Variants in AKAP9 observed in about 807,000 individuals in gnomAD.
The protein encoded by AKAP9 is A-kinase anchor protein 9.
A neutral mutation model predicts 488.5 loss-of-function variants in AKAP9; 311 were observed. The observed-to-expected ratio is 0.64, with a 90% CI of 0.58 to 0.70. AKAP9 has a LOEUF of 0.70. Among genes scored for constraint, AKAP9 ranks in the 30% least tolerant of loss-of-function variants. AKAP9 has a pLI of 0.00. For synonymous variants in AKAP9, 1,462 were observed against 1,483.5 expected (o/e 0.99, Z 0.33); for missense variants, 4,215 against 4,374.5 (o/e 0.96, Z 1.03).
chr7:92,038,548 G>T lies in AKAP9; in HGVS notation c.4468G>T (p.Glu1490Ter). 3 of 1,613,864 alleles carry T rather than the reference G, an allele frequency of 1.9e-6. No individual in the cohort carries two copies. The highest frequency in any genetic ancestry group is 2.5e-6 in the Non-Finnish European group (3 of 1,179,852). Reference protein sequence around the residue: ...VCQQEQHYFNEMKLSQDQIGF... With the variant: ...VCQQEQHYFN Reference sequence around the variant, plus strand: ...TCAGCAAGAACAACATTATTTTAATGAAATGAAATTATCACAGGATCAAAT... The same window carrying T: ...TCAGCAAGAACAACATTATTTTAATTAAATGAAATTATCACAGGATCAAAT... The change falls in exon 17 of 50, where the codon GAA becomes TAA. Residue 1490 changes from glutamate (E) to a stop codon, truncating the protein, a stop_gained. Transcript: ENST00000356239. LOFTEE classifies it high-confidence loss of function.
At position 92,002,054 on chromosome 7, in the gene AKAP9, A is replaced by G; in HGVS notation, c.2137A>G (p.Lys713Glu). 1 of 1,602,200 alleles carries G rather than the reference A, an allele frequency of 6.2e-7. No individual in the cohort carries two copies. The highest frequency in any genetic ancestry group is 8.5e-7 in the Non-Finnish European group (1 of 1,176,622). The change falls in exon 8 of 50, where the codon AAG becomes GAG. Residue 713 changes from lysine to glutamate, a missense_variant. By Grantham distance (56) the Lys-to-Glu change is moderately conservative. This residue lies in a region of AKAP9 where 2,361 missense variants were observed against 2,430.0 expected (regional missense o/e 0.97). Coordinates refer to ENST00000356239, the MANE Select transcript of AKAP9 (RefSeq NM_005751.5). ...TTTACAGCAGTCTCTTGTAAATTCA[A>G]AGTCAGAAGAAATGACTCTTCAAAT... is the stretch of plus-strand genomic sequence containing the variant. The part of the protein sequence containing the change: ...KDLQQSLVNS[K>E]SEEMTLQINE...
chr7:91,973,523 G>T (rs373837796), intron 1 of AKAP9, among the ~76,000 whole-genome samples, 188 bp from the exon 2 acceptor site: 5 of 151,942 alleles, frequency 3.3e-5, no homozygotes, highest in Non-Finnish European at 5.9e-5. Flanking sequence ...ATTTCAGTAG[G>T]TTTATTCAGA....
At chr7:92,056,780 A>G (rs918753191) in intron 22 of AKAP9, among the ~76,000 whole-genome samples, 1 of 151,902 alleles carries the variant, frequency 6.6e-6, no homozygotes, top group African/African-American at 2.4e-5. Context: ...TAGTGTGAGT[A>G]GCTGTAGAAT....
At chr7:92,096,501 A>AT (rs1202108742) in intron 40 of AKAP9, among the ~76,000 whole-genome samples, 188 bp from the exon 41 acceptor site, 1 of 151,722 alleles carries the variant, frequency 6.6e-6, no homozygotes, top group Non-Finnish European at 1.5e-5. Flanking sequence ...CACCCAGCTA[A>AT]TTTTTTTGTA....
intron 14 of AKAP9, among the ~76,000 whole-genome samples, chr7:92,028,295 TAAAAAAAAAAAAA>T (rs57352733): frequency 4.6e-5 from 3 of 65,060 alleles, no homozygotes; most frequent in African/African-American, 1.9e-4. Flanking sequence ...CAATAAATAC[TAAAAAAAAAAAAA>T]AAAAAAAAAA....
chr7:91,965,509 C>A (rs916806762), intron 1 of AKAP9, among the ~76,000 whole-genome samples: 10 of 152,292 alleles, frequency 6.6e-5, no homozygotes, highest in Non-Finnish European at 5.9e-5. Flanking sequence ...ATGCAGCTAT[C>A]TCCTTTGTAT....
chr7:92,101,059 A>G lies in AKAP9; in HGVS notation c.11097+3A>G. ...ATTCTGAACATGTCACTTTAAAGGTAGGAGACATCTCCCATCTAAACATCA... is the reference window on the plus strand; with the variant it reads ...ATTCTGAACATGTCACTTTAAAGGTGGGAGACATCTCCCATCTAAACATCA... On this transcript the variant is annotated splice_donor_region_variant and intron_variant, in intron 45 of 49. Transcript: ENST00000356239. The G allele has an allele frequency of 2.5e-6, 4 of 1,612,306 alleles. No homozygotes were observed. The highest frequency in any genetic ancestry group is 1.8e-4 in the Middle Eastern group (1 of 5,506).
chr7:92,098,471 A>C (rs1817006251), intron 43 of AKAP9, among the ~76,000 whole-genome samples: 1 of 152,176 alleles, frequency 6.6e-6, no homozygotes, highest in African/African-American at 2.4e-5. Flanking sequence ...AGCTTCCTGA[A>C]AGAGTGATCT....
chr7:92,106,136 G>T (rs991044592), intron 47 of AKAP9, among the ~76,000 whole-genome samples: 8 of 152,322 alleles, frequency 5.3e-5, no homozygotes, highest in Non-Finnish European at 1.2e-4. Context: ...AAAGGTTGGG[G>T]ACTGCTGCTC....
At chr7:91,990,546 G>A (rs1797627883) in intron 3 of AKAP9, among the ~76,000 whole-genome samples, 1 of 151,902 alleles carries the variant, frequency 6.6e-6, no homozygotes, top group Non-Finnish European at 1.5e-5. Flanking sequence ...TGTATTAATG[G>A]TATTTTAAGA....
chr7:92,009,195 A>G (rs1255408065), intron 8 of AKAP9, among the ~76,000 whole-genome samples: 2 of 152,028 alleles, frequency 1.3e-5, no homozygotes, highest in Admixed American at 1.3e-4. Context: ...GCAGTGAGCT[A>G]TGATTGCACC....
At chr7:92,059,553 G>T (rs1809382120) in intron 22 of AKAP9, among the ~76,000 whole-genome samples, 2 of 151,528 alleles carry the variant, frequency 1.3e-5, no homozygotes, top group African/African-American at 2.4e-5. Context: ...AGAAGCAAAG[G>T]CTTATTTAAT....
Position 92,107,208 on chromosome 7 carries a change from T to C in AKAP9, c.11417-85T>C. 5 of 1,315,568 alleles carry C rather than the reference T, an allele frequency of 3.8e-6. No homozygotes were observed. The South Asian group carries it at 4.7e-5, about 12-fold the overall frequency. The allele number at this position is 1,315,568 out of a possible 1,614,324, so 81.5% of individuals were successfully genotyped here. ...ATTGTATAATATAGTATAATAGTCT[T>C]TTGAGCAGTTACCTATTTTGTAGAA... On this transcript the variant is annotated intron_variant, in intron 47 of 49. Transcript: ENST00000356239.
At chr7:91,995,557 C>G in intron 6 of AKAP9, 46 bp from the exon 7 acceptor site, 1 of 1,567,012 alleles carries the variant, frequency 6.4e-7, no homozygotes, top group Non-Finnish European at 8.8e-7. Flanking sequence ...TTCCCTAATA[C>G]AGTCACTTCA....
intron 6 of AKAP9, 106 bp downstream of exon 6, chr7:91,994,882 A>T (rs976515867): frequency 3.1e-5 from 32 of 1,018,072 alleles, no homozygotes; most frequent in Non-Finnish European, 4.6e-5. Context: ...ATTTCGTATT[A>T]TATCATGTAT....
chr7:92,069,896 A>G, intron 26 of AKAP9, 134 bp from the exon 27 acceptor site: 2 of 775,982 alleles, frequency 2.6e-6, no homozygotes, highest in East Asian at 2.7e-5. Flanking sequence ...CATTTCTTAA[A>G]CAGACAAACA....
intron 16 of AKAP9, among the ~76,000 whole-genome samples, chr7:92,031,810 A>C (rs549929016): frequency 8.5e-5 from 13 of 152,350 alleles, no homozygotes; most frequent in Middle Eastern, 6.8e-3. Flanking sequence ...CTTGATGTAG[A>C]CTAGTAATTA....
intron 1 of AKAP9, among the ~76,000 whole-genome samples, chr7:91,969,955 G>C (rs566328128): frequency 3.9e-4 from 60 of 152,048 alleles, no homozygotes; most frequent in Admixed American, 7.2e-4. Context: ...TTTGTTGCTT[G>C]TTTTCTGGTT....
chr7:92,042,610 C>G, intron 19 of AKAP9, 58 bp from the exon 20 acceptor site: 1 of 1,253,782 alleles, frequency 8.0e-7, no homozygotes, highest in Non-Finnish European at 1.2e-6. Context: ...ATGCTGTTTC[C>G]AAGTTGACAG....
Sources: gnomAD v4.1 joint callset for allele counts (sites outside exome capture counted in the v4.1 genomes callset) on GRCh38, gnomAD v4.1.1 for gene constraint, gnomAD v4.1.1 regional missense constraint, MANE v1.5 for transcripts, NCBI Gene and HGNC (gene_info 2026-07-23, HGNC 2026-07-21) for gene names.